SLC44A5: variants seen among roughly 807,000 people sequenced by gnomAD.
The protein encoded by SLC44A5 is solute carrier family 44 member 5.
SLC44A5 carries 57 observed loss-of-function variants against 101.8 expected under a neutral mutation model. The observed-to-expected ratio is 0.56, with a 90% confidence interval of 0.45 to 0.70. SLC44A5 has a LOEUF of 0.70. Ranked by LOEUF, SLC44A5 falls within the 30% of genes least tolerant of loss-of-function variation. The pLI is 0.00. For missense variants in SLC44A5, 737 were observed against 853.1 expected (o/e 0.86, Z 1.70); for synonymous variants, 281 against 290.9 (o/e 0.97, Z 0.35).
At chr1:75,205,265 C>G (rs753066345) in intron 23 of SLC44A5, 2 of 152,196 alleles carry the variant, frequency 1.3e-5, no homozygotes, top group Non-Finnish European at 2.9e-5. Context: ...CACAACAATA[C>G]ATTTCTGACT....
the SLC44A5 span, among the ~76,000 whole-genome samples, chr1:75,681,565 T>A: frequency 1.3e-5 from 2 of 151,484 alleles, no homozygotes; most frequent in African/African-American, 4.8e-5. Flanking sequence ...CAACTCTTCA[T>A]GCTAAAAACT....
At chr1:75,524,281 T>C (rs1670299623) in intron 2 of SLC44A5, among the ~76,000 whole-genome samples, 1 of 152,182 alleles carries the variant, frequency 6.6e-6, no homozygotes, top group Non-Finnish European at 1.5e-5. Flanking sequence ...GTAAGTTCCC[T>C]GAGGCCTCCC....
intron 2 of SLC44A5, among the ~76,000 whole-genome samples, chr1:75,438,201 T>C (rs1372745133): frequency 2.0e-5 from 3 of 152,124 alleles, no homozygotes; most frequent in Admixed American, 2.0e-4. Context: ...AAATGAAGGC[T>C]AGTCATTGGA....
At chr1:75,328,615 G>A (rs1284148870) in intron 4 of SLC44A5, among the ~76,000 whole-genome samples, 1 of 152,152 alleles carries the variant, frequency 6.6e-6, no homozygotes, top group Non-Finnish European at 1.5e-5. Context: ...TGGTGCTGCA[G>A]GTTCACTCTC....
chr1:75,558,700 C>A (rs1339548064), intron 1 of SLC44A5, among the ~76,000 whole-genome samples: 1 of 152,010 alleles, frequency 6.6e-6, no homozygotes, highest in Non-Finnish European at 1.5e-5. Context: ...TTGATGTAGG[C>A]CCTGAGACTT....
At chr1:75,288,194 T>C (rs1653233416) in intron 5 of SLC44A5, among the ~76,000 whole-genome samples, 1 of 152,226 alleles carries the variant, frequency 6.6e-6, no homozygotes, top group African/African-American at 2.4e-5. Context: ...ACATCTTTTC[T>C]ATTTAATTTA....
At chr1:75,388,774 G>A (rs1488447254) in intron 3 of SLC44A5, among the ~76,000 whole-genome samples, 19 of 149,012 alleles carry the variant, frequency 1.3e-4, no homozygotes, top group Middle Eastern at 3.5e-3. Context: ...GCGAGACTCC[G>A]TCTAAAAAAA....
At chr1:75,424,454 T>C (rs541165680) in intron 2 of SLC44A5, among the ~76,000 whole-genome samples, 5 of 152,164 alleles carry the variant, frequency 3.3e-5, no homozygotes, top group African/African-American at 4.8e-5. Flanking sequence ...TACAGGCACG[T>C]GCCACTGCGC....
chr1:75,593,156 T>C (rs1674444839), intron 1 of SLC44A5, among the ~76,000 whole-genome samples: 1 of 151,890 alleles, frequency 6.6e-6, no homozygotes, highest in Admixed American at 6.6e-5. Context: ...TGTCTATTAA[T>C]CCAATCAAAA....
intron 1 of SLC44A5, among the ~76,000 whole-genome samples, chr1:75,597,142 C>T (rs1674682893): frequency 6.9e-6 from 1 of 145,970 alleles, no homozygotes; most frequent in African/African-American, 2.5e-5. Context: ...GAGCCAAGAT[C>T]ATGCCACTGC....
At chr1:75,525,251 G>C (rs1288659713) in intron 2 of SLC44A5, among the ~76,000 whole-genome samples, 1 of 152,128 alleles carries the variant, frequency 6.6e-6, no homozygotes. Context: ...AAGAGATTTG[G>C]TGATGACCAT....
chr1:75,318,044 A>G (rs556471849), intron 4 of SLC44A5, among the ~76,000 whole-genome samples: 1 of 152,086 alleles, frequency 6.6e-6, no homozygotes, highest in East Asian at 1.9e-4. Flanking sequence ...CATACAGTAA[A>G]CCTCTTTTAA....
At chr1:75,616,772 T>C in the SLC44A5 span, among the ~76,000 whole-genome samples, 1 of 152,168 alleles carries the variant, frequency 6.6e-6, no homozygotes, top group South Asian at 2.1e-4. Context: ...CCTGCAAGAA[T>C]GGCTGTGTTC....
At chr1:75,430,807 G>A (rs1664573277) in intron 2 of SLC44A5, among the ~76,000 whole-genome samples, 1 of 152,164 alleles carries the variant, frequency 6.6e-6, no homozygotes, top group Admixed American at 6.5e-5. Flanking sequence ...TAGTCTCAAG[G>A]GCAGCAATAC....
intron 3 of SLC44A5, among the ~76,000 whole-genome samples, chr1:75,358,739 T>C (rs1429317438): frequency 2.0e-5 from 3 of 152,344 alleles, no homozygotes; most frequent in Middle Eastern, 3.4e-3. Context: ...CATAATGGTG[T>C]ACATTCGTGA....
intron 1 of SLC44A5, among the ~76,000 whole-genome samples, chr1:75,545,666 T>G (rs1373944956): frequency 2.0e-5 from 3 of 152,202 alleles, no homozygotes; most frequent in African/African-American, 7.2e-5. Flanking sequence ...TCCAGGGAGA[T>G]ACTTTGATGA....
chr1:75,722,611 C>T, the SLC44A5 span, among the ~76,000 whole-genome samples: 1 of 152,168 alleles, frequency 6.6e-6, no homozygotes, highest in Non-Finnish European at 1.5e-5. Flanking sequence ...TCGTTACCAC[C>T]TCCTCCCTGC....
chr1:75,319,720 G>C (rs921259624), intron 4 of SLC44A5, among the ~76,000 whole-genome samples: 2 of 152,098 alleles, frequency 1.3e-5, no homozygotes, highest in Non-Finnish European at 2.9e-5. Flanking sequence ...TTATAGTTTG[G>C]ATTGTCTTAG....
chr1:75,344,968 G>T (rs550369374), intron 3 of SLC44A5, among the ~76,000 whole-genome samples: 1 of 151,016 alleles, frequency 6.6e-6, no homozygotes, highest in Non-Finnish European at 1.5e-5. Flanking sequence ...ACCTACATTA[G>T]TGCCTGTTGT....
Sources: gnomAD v4.1 joint callset for allele counts (sites outside exome capture counted in the v4.1 genomes callset) on GRCh38, gnomAD v4.1.1 for gene constraint, MANE v1.5 for transcripts, NCBI Gene and HGNC (gene_info 2026-07-23, HGNC 2026-07-21) for gene names.